The following FCGRT variants were observed in gnomAD, a reference collection of about 807,000 sequenced individuals.
FCGRT encodes IgG receptor FcRn large subunit p51.
FCGRT carries 13 observed loss-of-function variants against 35.7 expected under a neutral mutation model. That is an observed-to-expected ratio of 0.36 (90% CI 0.24 to 0.58). The LOEUF (loss-of-function observed/expected upper bound fraction) is 0.58, where lower values mean the gene tolerates loss of function less well. Ranked by LOEUF, FCGRT falls within the 20% of genes least tolerant of loss-of-function variation. The probability of loss-of-function intolerance (pLI) is 0.77; values close to 1 mark genes in which losing one functional copy is unlikely to be tolerated. For missense variants in FCGRT, 455 were observed against 474.9 expected, an observed-to-expected ratio of 0.96 and a Z score of 0.39; for synonymous variants, 233 against 216.5, an observed-to-expected ratio of 1.08 and a Z score of -0.67.
intron 4 of FCGRT, among the ~76,000 whole-genome samples, chr19:49,523,790 G>A (rs2080056199): frequency 6.7e-6 from 1 of 150,094 alleles, no homozygotes; most frequent in Non-Finnish European, 1.5e-5. Flanking sequence ...AACCCAGGAG[G>A]CGGAGCTTGC....
At chr19:49,518,360 C>G (rs200413739) in intron 4 of FCGRT, among the ~76,000 whole-genome samples, 1 of 133,016 alleles carries the variant, frequency 7.5e-6, no homozygotes, top group African/African-American at 2.8e-5. Flanking sequence ...TTCTTTCTTT[C>G]TTTTTTTTTT....
At chr19:49,521,609 A>G (rs2080041643) in intron 4 of FCGRT, 1 of 148,534 alleles carries the variant, frequency 6.7e-6, no homozygotes, top group Admixed American at 6.8e-5. Flanking sequence ...GGGCGTAAGG[A>G]TCCTTCTGCC....
At chr19:49,518,654 G>A (rs1015641166) in intron 4 of FCGRT, among the ~76,000 whole-genome samples, 9 of 151,242 alleles carry the variant, frequency 6.0e-5, no homozygotes, top group African/African-American at 9.7e-5. Flanking sequence ...CTGCCTCAGC[G>A]TCCCAAGTAG....
Position 49,526,350 on chromosome 19 carries a change from A to G in FCGRT, c.*231A>G, listed in dbSNP as rs2080077649. On this transcript the variant is annotated 3_prime_UTR_variant, in exon 7 of 7. Transcript: ENST00000221466. ...GGGCCCGAATCAGTGTGTTCTCATC[A>G]TTTTTCAGGCAGGGGAGGTAAGGGA... 2.6e-5 allele frequency: 14 copies of G among 529,418 alleles called. No individual in the cohort carries two copies. The South Asian group carries it at 2.9e-4, about 11-fold the overall frequency. The allele number at this position is 529,418 out of a possible 1,614,324, so 32.8% of individuals were successfully genotyped here. A position where few individuals can be genotyped will look rare whatever the true frequency, so the allele number is the denominator to read the frequency against.
chr19:49,513,730 G>GCTCTCTCTCTCTCTCTC (rs1568698410), intron 2 of FCGRT, 152 bp from the exon 3 acceptor site: 1 of 527,426 alleles, frequency 1.9e-6, no homozygotes, highest in African/African-American at 3.6e-5. Context: ...CTCTCTCTGG[G>GCTCTCTCTCTCTCTCTC]TCTCTGTCCC....
chr19:49,525,964 G>T, intron 6 of FCGRT, 46 bp from the exon 7 acceptor site: 1 of 1,174,856 alleles, frequency 8.5e-7, no homozygotes, highest in South Asian at 1.2e-5. Flanking sequence ...CAGACCCAGA[G>T]CGCCTCAGAG....
At chr19:49,513,195 G>A (rs116498889) in intron 1 of FCGRT, 192 bp from the exon 2 acceptor site, 476 of 381,690 alleles carry the variant, frequency 1.2e-3, no homozygotes, top group African/African-American at 9.1e-3. Flanking sequence ...TCAAGTGTCT[G>A]TAATTAATTA....
intron 4 of FCGRT, among the ~76,000 whole-genome samples, chr19:49,518,059 C>G (rs905452122): frequency 4.6e-5 from 7 of 152,166 alleles, no homozygotes; most frequent in African/African-American, 1.7e-4. Flanking sequence ...CCCTCCACCT[C>G]AAGTGATCTG....
intron 4 of FCGRT, among the ~76,000 whole-genome samples, chr19:49,514,989 G>GC (rs199977162): frequency 1.4e-5 from 2 of 146,688 alleles, no homozygotes; most frequent in African/African-American, 5.3e-5. Flanking sequence ...ACTGCTCCTG[G>GC]CTCCCCCCTT....
rs1568704589 is a variant in FCGRT, at chr19:49,525,601, TGAGA to T, written c.988+32_988+35del. On this transcript the variant is annotated intron_variant, in intron 6 of 6. Coordinates refer to ENST00000221466, the MANE Select transcript of FCGRT (RefSeq NM_001136019.3). ...GGGGGGCAGCGGGAGGAAGAGCCTC[TGAGA>T]GAGGGACAGAGACCCCAAGAGAGGG... 8 of 1,499,612 alleles carry T rather than the reference TGAGA, an allele frequency of 5.3e-6. No homozygotes were observed. The South Asian group carries it at 5.7e-5, about 11-fold the overall frequency. 92.9% of individuals were successfully genotyped at this position (1,499,612 alleles called of 1,614,324 possible).
In FCGRT at chr19:49,524,618, A is replaced by G. The variant is rs370645883; in HGVS notation, c.713A>G (p.Asn238Ser). 2 of 1,610,882 alleles carry G rather than the reference A, an allele frequency of 1.2e-6. No homozygotes were observed. Among genetic ancestry groups the G allele is most frequent in the Middle Eastern group, 1.6e-4 (1 of 6,062 alleles). Residue 238 changes from asparagine (N) to serine (S), a missense_variant, in exon 5 of 7, where the codon AAT becomes AGT. Asn to Ser is a conservative substitution (Grantham distance 46, BLOSUM62 1). Coordinates refer to ENST00000221466, the MANE Select transcript of FCGRT (RefSeq NM_001136019.3). ...GAGCTGCAACTTCGGTTCCTGCGGA[A>G]TGGGCTGGCCGCTGGCACCGGCCAG... ...PPELQLRFLR[N>S]GLAAGTGQGD... is the part of the protein sequence containing the mutation.
chr19:49,525,947 C>T (rs552337455), intron 6 of FCGRT, 63 bp from the exon 7 acceptor site: 47 of 973,736 alleles, frequency 4.8e-5, no homozygotes, highest in Admixed American at 8.4e-5. Flanking sequence ...AAATGGGGGA[C>T]GCCAGTCAGA....
At position 49,525,577 on chromosome 19, in the gene FCGRT, G is replaced by C. The variant is rs763649919; in HGVS notation, c.988+4G>C. On this transcript the variant is annotated splice_donor_region_variant and intron_variant, in intron 6 of 6. Transcript: ENST00000221466. ...AGGATGAGGAGTGGGCTGCCAGGTG[G>C]GGGGCAGCGGGAGGAAGAGCCTCTG... 10 of 1,591,678 alleles carry C rather than the reference G, an allele frequency of 6.3e-6. No individual in the cohort carries two copies. The highest frequency in any genetic ancestry group is 4.0e-5 in the African/African-American group (3 of 74,472).
chr19:49,515,724 GCCTT>G (rs896316690), intron 4 of FCGRT, among the ~76,000 whole-genome samples: 10 of 152,102 alleles, frequency 6.6e-5, no homozygotes, highest in Admixed American at 1.3e-4. Context: ...ACTGTGCTTG[GCCTT>G]CCTTGCCTTA....
At chr19:49,524,998 A>G (rs1419898222) in intron 5 of FCGRT, 1 of 683,190 alleles carries the variant, frequency 1.5e-6, no homozygotes. Context: ...CTGAGTCTGA[A>G]GAGCTGTTAA....
At chr19:49,519,272 T>C (rs2080026806) in intron 4 of FCGRT, among the ~76,000 whole-genome samples, 1 of 148,772 alleles carries the variant, frequency 6.7e-6, no homozygotes, top group Admixed American at 6.7e-5. Context: ...AGTTTATTCT[T>C]TTTTTTTTTT....
At position 49,519,529 on chromosome 19, in the gene FCGRT, A is replaced by G. The variant is rs1032358334; in HGVS notation, c.602-4978A>G. Among the ~76,000 whole-genome samples, 4 of 151,748 alleles carry G rather than the reference A, an allele frequency of 2.6e-5. No individual in the cohort carries two copies. In the South Asian group the frequency reaches 6.2e-4, roughly 24 times the overall value. Reference sequence around the variant, plus strand: ...TTTGAAGAAAGTCAGTTTATGTCCTATTGAGTTTCTCCTAGACTGGATTTT... The same window carrying G: ...TTTGAAGAAAGTCAGTTTATGTCCTGTTGAGTTTCTCCTAGACTGGATTTT... On this transcript the variant is annotated intron_variant, in intron 4 of 6. Transcript: ENST00000221466.
At chr19:49,520,730 C>G (rs758553597) in intron 4 of FCGRT, 1 of 152,224 alleles carries the variant, frequency 6.6e-6, no homozygotes, top group East Asian at 1.9e-4. Flanking sequence ...TACCTTGAGG[C>G]TGAAGGCACG....
At chr19:49,515,024 C>T (rs1281674617) in intron 4 of FCGRT, among the ~76,000 whole-genome samples, 10 of 148,798 alleles carry the variant, frequency 6.7e-5, no homozygotes, top group Non-Finnish European at 1.2e-4. Context: ...GACAGATTCT[C>T]GCTCTGTCAC....
Sources: allele counts gnomAD v4.1 joint callset (sites outside exome capture counted in the v4.1 genomes callset), GRCh38; gene constraint gnomAD v4.1.1; transcripts MANE v1.5; gene names NCBI Gene and HGNC (gene_info 2026-07-23, HGNC 2026-07-21).